Variants in TBCD observed in about 807,000 individuals in gnomAD.
TBCD encodes the protein tubulin folding cofactor D, also known as tubulin-specific chaperone D.
Under a neutral mutation model 169.3 loss-of-function variants are expected in TBCD, and 105 were observed. That is an observed-to-expected ratio of 0.62 (90% confidence interval 0.53 to 0.73). The LOEUF is 0.73. Ranked by LOEUF, TBCD falls within the 30% of genes least tolerant of loss-of-function variation. TBCD has a pLI of 0.00. For missense variants in TBCD, 1,444 were observed against 1,600.1 expected (o/e 0.90, Z 1.66); for synonymous variants, 700 against 643.9 (o/e 1.09, Z -1.32).
In TBCD at chr17:82,920,551, T is replaced by C. The variant is rs77752871; in HGVS notation, c.2039-5T>C. ...TGCGTCTATCCTTTTTTTTTTTTTT[T>C]CCAGTGTGTGTTTTAATAGAAAAGT... On this transcript the variant is annotated splice_polypyrimidine_tract_variant and splice_region_variant and intron_variant, in intron 23 of 38. Coordinates refer to ENST00000355528, the MANE Select transcript of TBCD (RefSeq NM_005993.5). This position sits in a 1 kb window ranked among gnomAD's most constrained non-coding sequence, Gnocchi z 4.1. 1.1e-5 allele frequency: 17 copies of C among 1,534,798 alleles called. No individual in the cohort carries two copies. Among genetic ancestry groups the C allele is most frequent in the South Asian group, 6.1e-5 (5 of 81,672 alleles).
At chr17:82,927,834 CGTG>C (rs1032409122) in intron 29 of TBCD, 68 bp from the exon 30 acceptor site, 9 of 1,366,064 alleles carry the variant, frequency 6.6e-6, no homozygotes, top group Admixed American at 3.4e-5. Flanking sequence ...AGGCTGCCGG[CGTG>C]GTGGGCAGAA....
At chr17:82,924,117 C>A (rs2061579706) in intron 26 of TBCD, among the ~76,000 whole-genome samples, 1 of 152,116 alleles carries the variant, frequency 6.6e-6, no homozygotes, top group Admixed American at 6.6e-5. Flanking sequence ...CCATACCCGG[C>A]TAATTTTTGT....
In TBCD at chr17:82,930,158, C is replaced by T. The variant is rs747956379; in HGVS notation, c.2992-364C>T. On this transcript the variant is annotated intron_variant, in intron 32 of 38. Coordinates refer to ENST00000355528, the MANE Select transcript of TBCD (RefSeq NM_005993.5). The surrounding 1 kb of genome is among the most constrained non-coding windows in gnomAD (Gnocchi z 5.2). The stretch of plus-strand genomic sequence containing the variant: ...CGTGCGGGGAGACCCGGGCCACATG[C>T]GAGCGGGGCCCCGAGACATTCTGCA... 10 of 297,902 alleles carry T rather than the reference C, an allele frequency of 3.4e-5. No individual in the cohort carries two copies. Among genetic ancestry groups the T allele is most frequent in the East Asian group, 1.7e-4 (2 of 11,942 alleles). The allele number at this position is 297,902 out of a possible 1,614,324, so 18.5% of individuals were successfully genotyped here.
At chr17:82,916,446 T>C (rs979911219) in intron 23 of TBCD, among the ~76,000 whole-genome samples, 3 of 151,916 alleles carry the variant, frequency 2.0e-5, no homozygotes, top group African/African-American at 4.8e-5. Context: ...GGTTCCACCA[T>C]GTGGGCCAGG....
intron 34 of TBCD, among the ~76,000 whole-genome samples, chr17:82,936,163 C>G (rs901682732): frequency 6.6e-6 from 1 of 152,216 alleles, no homozygotes; most frequent in Admixed American, 6.5e-5. Context: ...TCGGTCACCC[C>G]CTCTGCAATT....
chr17:82,836,983 G>C (rs993013624), intron 13 of TBCD, among the ~76,000 whole-genome samples: 1 of 152,164 alleles, frequency 6.6e-6, no homozygotes, highest in Non-Finnish European at 1.5e-5. Flanking sequence ...AATTGGTGTC[G>C]ATATGGAGTC....
At position 82,806,863 on chromosome 17, in the gene TBCD, C is replaced by T. The variant is rs993877801; in HGVS notation, c.1088-745C>T. The stretch of plus-strand genomic sequence containing the variant: ...GAGCCCTCCCTGGTTGCGTGGTAGG[C>T]GCCCGCATCTGTGCTGGGCGGCTCT... On this transcript the variant is annotated intron_variant, in intron 10 of 38. Coordinates refer to ENST00000355528, the MANE Select transcript of TBCD (RefSeq NM_005993.5). The surrounding 1 kb of genome is among the most constrained non-coding windows in gnomAD (Gnocchi z 5.1). 5.3e-5 allele frequency among the ~76,000 whole-genome samples: 8 copies of T among 152,190 alleles called. No homozygotes were observed. The highest frequency in any genetic ancestry group is 1.4e-4 in the African/African-American group (6 of 41,446).
chr17:82,878,904 T>G (rs60161951), intron 14 of TBCD, among the ~76,000 whole-genome samples: 1,563 of 152,224 alleles, frequency 0.01, 20 homozygotes, highest in African/African-American at 0.035. Context: ...GACTCATGGG[T>G]GCTCATCCTG....
chr17:82,801,113 A>T, intron 9 of TBCD, 117 bp downstream of exon 9: 1 of 282,594 alleles, frequency 3.5e-6, no homozygotes, highest in Non-Finnish European at 4.3e-6. Context: ...TGCTGTGGGG[A>T]GGCAGTCGCC....
At chr17:82,807,539 T>G in intron 10 of TBCD, 69 bp from the exon 11 acceptor site, 1 of 1,293,010 alleles carries the variant, frequency 7.7e-7, no homozygotes, top group Non-Finnish European at 1.0e-6. Context: ...ACAGGATGGG[T>G]CACCTTACAG....
At chr17:82,792,293 G>A (rs1362505838) in intron 7 of TBCD, among the ~76,000 whole-genome samples, 3 of 146,796 alleles carry the variant, frequency 2.0e-5, no homozygotes, top group African/African-American at 5.0e-5. Flanking sequence ...GGGTGACAGA[G>A]CGAGACTCCG....
At position 82,782,951 on chromosome 17, in the gene TBCD, C is replaced by T. The variant is rs1310512293; in HGVS notation, c.771+1230C>T. Among the ~76,000 whole-genome samples, 1 of 146,096 alleles carries T rather than the reference C, an allele frequency of 6.8e-6. No homozygotes were observed. The highest frequency in any genetic ancestry group is 1.5e-5 in the Non-Finnish European group (1 of 66,582). On this transcript the variant is annotated intron_variant, in intron 7 of 38. Transcript: ENST00000355528. This position sits in a 1 kb window ranked among gnomAD's most constrained non-coding sequence, Gnocchi z 5.1. ...CCATGGCGGCCTCCTGTCCGCGGTGCCCTCCTGTCCATGGTGGCCTCCTGT... is the reference window on the plus strand; with the variant it reads ...CCATGGCGGCCTCCTGTCCGCGGTGTCCTCCTGTCCATGGTGGCCTCCTGT...
chr17:82,801,824 CGGCGTGTGCGTCGTGTGGTTCGG>C (rs2050580577), intron 9 of TBCD, among the ~76,000 whole-genome samples: 1 of 124,158 alleles, frequency 8.1e-6, no homozygotes, highest in African/African-American at 3.1e-5. Flanking sequence ...GGCAGGAGGG[CGGCGTGTGCGTCGTGTGGTTCGG>C]AGTCAGCGTG....
chr17:82,828,520 T>A (rs1420393861), intron 13 of TBCD, among the ~76,000 whole-genome samples: 4 of 106,156 alleles, frequency 3.8e-5, no homozygotes, highest in Non-Finnish European at 7.3e-5. Context: ...CCCGCAGATA[T>A]GCACACGTGC....
chr17:82,921,299 C>T, intron 24 of TBCD: 1 of 588,390 alleles, frequency 1.7e-6, no homozygotes. Flanking sequence ...TCAATAAGAG[C>T]TTACACAATT....
intron 21 of TBCD, chr17:82,908,255 T>A (rs1373974213): frequency 2.2e-6 from 1 of 454,850 alleles, no homozygotes; most frequent in African/African-American, 2.0e-5. Context: ...CCTGGTGGAG[T>A]TGGGGGCACA....
intron 14 of TBCD, among the ~76,000 whole-genome samples, chr17:82,872,287 A>G (rs575315325): frequency 1.2e-4 from 18 of 152,190 alleles, no homozygotes; most frequent in Non-Finnish European, 2.5e-4. Context: ...CGTGTTATGG[A>G]GAGTGTGGCT....
intron 19 of TBCD, among the ~76,000 whole-genome samples, chr17:82,904,549 A>T (rs996454922): frequency 2.6e-5 from 4 of 152,244 alleles, no homozygotes; most frequent in Non-Finnish European, 4.4e-5. Flanking sequence ...GAAGAGAGAA[A>T]TCCTGTTTGT....
Position 82,797,774 on chromosome 17 carries a change from T to A in TBCD, c.789T>A (p.His263Gln). The A allele has an allele frequency of 6.4e-7, 1 of 1,567,618 alleles. No homozygotes were observed. The highest frequency in any genetic ancestry group is 2.2e-5 in the East Asian group (1 of 44,468). Residue 263 changes from histidine to glutamine, a missense_variant, in exon 8 of 39, where the codon CAT becomes CAA. Coordinates refer to ENST00000355528, the MANE Select transcript of TBCD (RefSeq NM_005993.5). ...TTTTTTAGGCACAAATATTTAAACA[T>A]GGAAAACGTGAAGACTGTTTGCCCT... ...TLQALAQIFK[H>Q]GKREDCLPYA...
Sources: allele counts gnomAD v4.1 joint callset (sites outside exome capture counted in the v4.1 genomes callset), GRCh38; gene constraint gnomAD v4.1.1; non-coding constraint Gnocchi (gnomAD v3.1); transcripts MANE v1.5; gene names NCBI Gene and HGNC (gene_info 2026-07-23, HGNC 2026-07-21).